SIPA1L2: variants seen among roughly 807,000 people sequenced by gnomAD.
SIPA1L2 encodes the protein signal-induced proliferation-associated 1-like protein 2.
SIPA1L2 carries 56 observed loss-of-function variants against 163.9 expected under a neutral mutation model. That is an observed-to-expected ratio of 0.34 (90% confidence interval 0.28 to 0.43). SIPA1L2 has a LOEUF of 0.43. Among genes scored for constraint, SIPA1L2 ranks in the 20% least tolerant of loss-of-function variants. The probability of loss-of-function intolerance (pLI) is 1.00; values close to 1 mark genes in which losing one functional copy is unlikely to be tolerated. For synonymous variants in SIPA1L2, 877 were observed against 865.7 expected, an observed-to-expected ratio of 1.01 and a Z score of -0.23; for missense variants, 1,974 against 2,193.5, an observed-to-expected ratio of 0.90 and a Z score of 2.00.
chr1:232,461,205 C>T, intron 9 of SIPA1L2, 44 bp from the exon 10 acceptor site: 1 of 1,591,882 alleles, frequency 6.3e-7, no homozygotes, highest in Non-Finnish European at 8.6e-7. Context: ...CCTGCCCAAG[C>T]TGCCATGGGG....
At chr1:232,407,165 G>A (rs1660688565) in intron 19 of SIPA1L2, among the ~76,000 whole-genome samples, 1 of 152,306 alleles carries the variant, frequency 6.6e-6, no homozygotes, top group African/African-American at 2.4e-5. Flanking sequence ...AACAACTATT[G>A]CATTGGCCTG....
intron 18 of SIPA1L2, among the ~76,000 whole-genome samples, chr1:232,423,694 T>C (rs1293927178): frequency 6.6e-6 from 1 of 152,246 alleles, no homozygotes; most frequent in Non-Finnish European, 1.5e-5. Context: ...CAGTATAACT[T>C]GACTGTTTCC....
chr1:232,502,323 G>A (rs903235004), intron 3 of SIPA1L2, among the ~76,000 whole-genome samples: 1 of 152,066 alleles, frequency 6.6e-6, no homozygotes, highest in Non-Finnish European at 1.5e-5. Context: ...CTGCATCATC[G>A]AGTATTTTGA....
In SIPA1L2 at chr1:232,624,645, G is replaced by A. The variant is rs145208200; in HGVS notation, c.-319+5224C>T. 3.9e-5 allele frequency among the ~76,000 whole-genome samples: 6 copies of A among 152,168 alleles called. No homozygotes were observed. The East Asian group carries it at 7.7e-4, about 20-fold the overall frequency. ...AATAAACTACCAGATAGCTTACTTCGGACTGTTCTGATTTCTTGAGGAACT... is the reference window on the plus strand; with the variant it reads ...AATAAACTACCAGATAGCTTACTTCAGACTGTTCTGATTTCTTGAGGAACT... On this transcript the variant is annotated intron_variant, in intron 1 of 22. Coordinates refer to ENST00000674635, the MANE Select transcript of SIPA1L2 (RefSeq NM_020808.5).
intron 10 of SIPA1L2, among the ~76,000 whole-genome samples, chr1:232,451,362 G>A (rs1437061218): frequency 1.3e-5 from 2 of 152,108 alleles, no homozygotes; most frequent in Non-Finnish European, 2.9e-5. Context: ...CTCCCACTTG[G>A]GGGGTTTTAG....
intron 1 of SIPA1L2, among the ~76,000 whole-genome samples, chr1:232,607,080 TTCAG>T (rs1409288865): frequency 1.3e-5 from 2 of 152,122 alleles, no homozygotes; most frequent in Non-Finnish European, 2.9e-5. Context: ...TTACATATAA[TTCAG>T]TCATTCAAAT....
At chr1:232,554,220 T>G (rs1658568929) in intron 2 of SIPA1L2, among the ~76,000 whole-genome samples, 1 of 152,212 alleles carries the variant, frequency 6.6e-6, no homozygotes, top group Non-Finnish European at 1.5e-5. Context: ...TAGAATTATT[T>G]AAATGCAGTC....
intron 1 of SIPA1L2, among the ~76,000 whole-genome samples, chr1:232,623,300 ATG>A (rs961998142): frequency 3.9e-5 from 6 of 152,198 alleles, no homozygotes; most frequent in Admixed American, 1.3e-4. Context: ...TGATAGTATG[ATG>A]CTTCTTAAAC....
chr1:232,490,731 C>T, intron 5 of SIPA1L2, 143 bp downstream of exon 5: 1 of 852,362 alleles, frequency 1.2e-6, no homozygotes, highest in Non-Finnish European at 1.8e-6. Flanking sequence ...AGTATAAAAA[C>T]ATATTTGGGA....
Position 232,399,061 on chromosome 1 carries a change from A to ACAT in SIPA1L2, c.*63_*65dup. On this transcript the variant is annotated 3_prime_UTR_variant, in exon 23 of 23. Coordinates refer to ENST00000674635, the MANE Select transcript of SIPA1L2 (RefSeq NM_020808.5). Reference sequence around the variant, plus strand: ...TTGGTTGAAAGCACACAGAAAAACCACATGTTTGTGACTTCAAAGGGACAA... The same window carrying ACAT: ...TTGGTTGAAAGCACACAGAAAAACCACATCATGTTTGTGACTTCAAAGGGACAA... The ACAT allele has an allele frequency of 6.2e-7, 1 of 1,604,168 alleles. No individual in the cohort carries two copies. The highest frequency in any genetic ancestry group is 8.5e-7 in the Non-Finnish European group (1 of 1,173,640).
At chr1:232,540,241 T>A (rs1489707136) in intron 2 of SIPA1L2, among the ~76,000 whole-genome samples, 2 of 152,078 alleles carry the variant, frequency 1.3e-5, no homozygotes, top group African/African-American at 4.8e-5. Context: ...GAGGTGGACG[T>A]TGCAGTGGGC....
chr1:232,493,227 C>G (rs538679763), intron 4 of SIPA1L2, among the ~76,000 whole-genome samples: 369 of 152,282 alleles, frequency 2.4e-3, no homozygotes, highest in Non-Finnish European at 4.2e-3. Context: ...AGTCAGGTTT[C>G]TTGTTAAGCC....
intron 8 of SIPA1L2, among the ~76,000 whole-genome samples, chr1:232,469,544 C>T (rs1226235157): frequency 6.6e-6 from 1 of 152,112 alleles, no homozygotes; most frequent in Non-Finnish European, 1.5e-5. Flanking sequence ...ATCAACGAAG[C>T]TGATGAGGCA....
chr1:232,424,312 G>T (rs1661753753), intron 18 of SIPA1L2, among the ~76,000 whole-genome samples: 1 of 73,276 alleles, frequency 1.4e-5, no homozygotes, highest in Non-Finnish European at 2.5e-5. Flanking sequence ...TTTTTTTTAA[G>T]TGAAGCTAAC....
intron 15 of SIPA1L2, among the ~76,000 whole-genome samples, chr1:232,435,747 T>TG (rs945121884): frequency 1.3e-5 from 2 of 152,158 alleles, no homozygotes; most frequent in African/African-American, 4.8e-5. Context: ...AAAAAAAATG[T>TG]GTTTGCTAAA....
chr1:232,556,371 T>C (rs1346686771), intron 2 of SIPA1L2, among the ~76,000 whole-genome samples: 1 of 152,108 alleles, frequency 6.6e-6, no homozygotes, highest in Non-Finnish European at 1.5e-5. Flanking sequence ...AATTACATTT[T>C]TAAAAGAAAA....
At chr1:232,485,948 T>A (rs115120462) in intron 5 of SIPA1L2, among the ~76,000 whole-genome samples, 5,410 of 152,250 alleles carry the variant, frequency 0.036, 341 homozygotes, top group African/African-American at 0.12. Flanking sequence ...GTCACTCTGC[T>A]CTGGTGGCTG....
chr1:232,565,298 TTTTTCACTAAATCAAACTG>T (rs1303234883), intron 2 of SIPA1L2, among the ~76,000 whole-genome samples: 3 of 152,176 alleles, frequency 2.0e-5, no homozygotes, highest in African/African-American at 7.2e-5. Flanking sequence ...TCTTCCAGGT[TTTTTCACTAAATCAAACTG>T]TTTTCACCAA....
At chr1:232,475,632 T>C (rs1665008632) in intron 7 of SIPA1L2, among the ~76,000 whole-genome samples, 1 of 152,192 alleles carries the variant, frequency 6.6e-6, no homozygotes, top group South Asian at 2.1e-4. Flanking sequence ...TAGTGAACTG[T>C]TCTCATTTCT....
Sources: gnomAD v4.1 joint callset for allele counts (sites outside exome capture counted in the v4.1 genomes callset) on GRCh38, gnomAD v4.1.1 for gene constraint, MANE v1.5 for transcripts, NCBI Gene and HGNC (gene_info 2026-07-23, HGNC 2026-07-21) for gene names.